Variants in ANKRD30BL observed in about 807,000 individuals in gnomAD.
The protein encoded by ANKRD30BL is putative ankyrin repeat domain-containing protein 30B-like.
ANKRD30BL carries 20 observed loss-of-function variants against 18.4 expected under a neutral mutation model. That is an observed-to-expected ratio of 1.09 (90% confidence interval 0.77 to 1.58). ANKRD30BL has a LOEUF of 1.58. ANKRD30BL is among the 40% of genes most tolerant of loss of function. ANKRD30BL has a pLI of 0.00. For missense variants in ANKRD30BL, 224 were observed against 268.6 expected (o/e 0.83, Z 1.16); for synonymous variants, 72 against 100.9 (o/e 0.71, Z 1.72).
chr2:132,171,675 T>C (rs989305132), intron 1 of ANKRD30BL, among the ~76,000 whole-genome samples: 4 of 152,238 alleles, frequency 2.6e-5, no homozygotes, highest in Non-Finnish European at 5.9e-5. Flanking sequence ...TACAGTGCAA[T>C]TGGGAATACG....
intron 1 of ANKRD30BL, among the ~76,000 whole-genome samples, chr2:132,193,156 T>C (rs528028957): frequency 2.4e-3 from 365 of 152,294 alleles, no homozygotes; most frequent in African/African-American, 8.5e-3. Context: ...CCTTGGAGAT[T>C]GGCTTTCCCA....
intron 1 of ANKRD30BL, among the ~76,000 whole-genome samples, chr2:132,251,699 A>G (rs1379861446): frequency 6.6e-6 from 1 of 152,192 alleles, no homozygotes; most frequent in Non-Finnish European, 1.5e-5. Context: ...TGATATCAGG[A>G]TAGGAAATCA....
intron 1 of ANKRD30BL, among the ~76,000 whole-genome samples, chr2:132,233,806 G>T (rs1294302519): frequency 6.7e-6 from 1 of 150,258 alleles, no homozygotes; most frequent in Non-Finnish European, 1.5e-5. Context: ...GGATACCCAG[G>T]AATTGAACTC....
intron 1 of ANKRD30BL, among the ~76,000 whole-genome samples, chr2:132,221,476 G>T (rs1464735102): frequency 4.8e-5 from 6 of 125,156 alleles, no homozygotes; most frequent in African/African-American, 2.2e-4. Context: ...GGGCGCCTCT[G>T]CCTGGCCGCC....
chr2:132,248,306 A>G (rs968719199), intron 1 of ANKRD30BL, among the ~76,000 whole-genome samples: 1 of 152,050 alleles, frequency 6.6e-6, no homozygotes, highest in Non-Finnish European at 1.5e-5. Flanking sequence ...AAAGCACTCC[A>G]AACATCCATT....
At chr2:132,167,468 G>A (rs904151247) in intron 1 of ANKRD30BL, among the ~76,000 whole-genome samples, 4 of 152,096 alleles carry the variant, frequency 2.6e-5, no homozygotes, top group Admixed American at 1.3e-4. Context: ...GATTACAGAT[G>A]TGTGCCACAA....
chr2:132,255,437 A>C (rs1680803231), intron 1 of ANKRD30BL, among the ~76,000 whole-genome samples: 1 of 152,090 alleles, frequency 6.6e-6, no homozygotes, highest in Non-Finnish European at 1.5e-5. Flanking sequence ...CACTCAGCTA[A>C]GAGCATCCAG....
chr2:132,151,584 G>A (rs1242147853), intron 4 of ANKRD30BL, among the ~76,000 whole-genome samples: 2 of 150,834 alleles, frequency 1.3e-5, no homozygotes, highest in African/African-American at 4.9e-5. Flanking sequence ...GGGCAACATA[G>A]GGAGACCATG....
At chr2:132,189,269 T>C (rs1347680136) in intron 1 of ANKRD30BL, among the ~76,000 whole-genome samples, 1 of 152,220 alleles carries the variant, frequency 6.6e-6, no homozygotes, top group Non-Finnish European at 1.5e-5. Context: ...ATAGTCAACA[T>C]ACTAGGTAAG....
At chr2:132,211,711 G>A (rs7561208) in intron 1 of ANKRD30BL, among the ~76,000 whole-genome samples, 9,291 of 139,862 alleles carry the variant, frequency 0.066, 344 homozygotes, top group South Asian at 0.14. Context: ...GAGCTCTTTG[G>A]GGCCTATGGT....
At chr2:132,154,620 GCA>G (rs1396094819) in intron 4 of ANKRD30BL, 40 bp downstream of exon 4, 2 of 621,994 alleles carry the variant, frequency 3.2e-6, no homozygotes, top group African/African-American at 2.0e-5. Context: ...TATTACTCTA[GCA>G]CACTACTCAA....
intron 1 of ANKRD30BL, among the ~76,000 whole-genome samples, chr2:132,216,353 T>A (rs1401783489): frequency 6.6e-6 from 1 of 152,010 alleles, no homozygotes; most frequent in Non-Finnish European, 1.5e-5. Context: ...AAAGGAAATA[T>A]CTTCACATAA....
At chr2:132,217,153 C>A (rs1453709199) in intron 1 of ANKRD30BL, among the ~76,000 whole-genome samples, 1 of 152,020 alleles carries the variant, frequency 6.6e-6, no homozygotes, top group African/African-American at 2.4e-5. Flanking sequence ...GCATTCCACT[C>A]ACAGAGTTGG....
At chr2:132,188,080 T>C (rs1262275614) in intron 1 of ANKRD30BL, among the ~76,000 whole-genome samples, 5 of 152,158 alleles carry the variant, frequency 3.3e-5, no homozygotes. Flanking sequence ...GTCATTTAGC[T>C]AATTTAATGT....
At chr2:132,244,104 T>C (rs78518957) in intron 1 of ANKRD30BL, among the ~76,000 whole-genome samples, 3 of 152,286 alleles carry the variant, frequency 2.0e-5, no homozygotes, top group Non-Finnish European at 4.4e-5. Context: ...AGAAGCATTC[T>C]CAGAAACTAA....
intron 1 of ANKRD30BL, among the ~76,000 whole-genome samples, chr2:132,241,048 G>T (rs1279367063): frequency 1.3e-5 from 2 of 152,022 alleles, no homozygotes; most frequent in Admixed American, 6.6e-5. Context: ...ACTTCTTTGT[G>T]ATGCTTTCAT....
intron 1 of ANKRD30BL, among the ~76,000 whole-genome samples, chr2:132,180,598 C>T (rs1475756397): frequency 6.6e-6 from 1 of 151,916 alleles, no homozygotes; most frequent in Non-Finnish European, 1.5e-5. Flanking sequence ...TACCCAGAGA[C>T]AGGCACCATT....
At chr2:132,238,613 T>C (rs555919046) in intron 1 of ANKRD30BL, among the ~76,000 whole-genome samples, 25 of 152,010 alleles carry the variant, frequency 1.6e-4, no homozygotes, top group Admixed American at 1.3e-3. Context: ...AAAAAGGAAA[T>C]CTCTTCCCAT....
At chr2:132,216,329 A>T (rs1386971881) in intron 1 of ANKRD30BL, among the ~76,000 whole-genome samples, 1 of 152,008 alleles carries the variant, frequency 6.6e-6, no homozygotes, top group Non-Finnish European at 1.5e-5. Context: ...GAGCACTTTT[A>T]GGCCTACGGT....
Sources: allele counts gnomAD v4.1 joint callset (sites outside exome capture counted in the v4.1 genomes callset), GRCh38; gene constraint gnomAD v4.1.1; transcripts MANE v1.5; gene names NCBI Gene and HGNC (gene_info 2026-07-23, HGNC 2026-07-21).